Variants in NPTX2 observed in about 807,000 individuals in gnomAD.
NPTX2 encodes neuronal pentraxin-2.
Under a neutral mutation model 38.1 loss-of-function variants are expected in NPTX2, and 23 were observed. The observed-to-expected ratio is 0.60, with a 90% CI of 0.43 to 0.85. NPTX2 has a LOEUF of 0.85. Ranked by LOEUF, NPTX2 falls within the 40% of genes least tolerant of loss-of-function variation. The pLI, the probability that NPTX2 is intolerant of heterozygous loss-of-function variation, is 0.00. For synonymous variants in NPTX2, 291 were observed against 287.3 expected (o/e 1.01, Z -0.13); for missense variants, 553 against 615.3 (o/e 0.90, Z 1.07).
At position 98,617,513 on chromosome 7, in the gene NPTX2, C is replaced by G. The variant is rs1441754734; in HGVS notation, c.52C>G (p.Gln18Glu). Residue 18 changes from glutamine (Q) to glutamate (E), a missense_variant, in exon 1 of 5, where the codon CAG (glutamine) becomes GAG (glutamate). By Grantham distance (29) the Gln-to-Glu change is conservative. Coordinates refer to ENST00000265634, the MANE Select transcript of NPTX2 (RefSeq NM_002523.3). ...GGCGCTCGCCGTGGCCGCTGGGGCC[C>G]AGGACAGCCCGGCGCCCGGTAGCCG... ...SVALAVAAGA[Q>E]DSPAPGSRFV... The G allele has an allele frequency of 2.2e-5, 31 of 1,378,502 alleles. No homozygotes were observed. Among genetic ancestry groups the G allele is most frequent in the Middle Eastern group, 5.2e-4 (2 of 3,810 alleles). 85.4% of individuals were successfully genotyped at this position (1,378,502 alleles called of 1,614,324 possible).
intron 2 of NPTX2, among the ~76,000 whole-genome samples, chr7:98,624,467 G>T (rs1376468774): frequency 6.6e-6 from 1 of 152,068 alleles, no homozygotes; most frequent in Non-Finnish European, 1.5e-5. Context: ...TCTCTAACGT[G>T]CCCCATGCAG....
intron 1 of NPTX2, among the ~76,000 whole-genome samples, chr7:98,618,279 C>T (rs1791208635): frequency 6.6e-6 from 1 of 152,024 alleles, no homozygotes; most frequent in Non-Finnish European, 1.5e-5. Flanking sequence ...GGGATGCGCT[C>T]CCGCAGGCCG....
rs569259463 is a variant in NPTX2 at position 98,625,226 on chromosome 7, A to G, written c.888+60A>G. On this transcript the variant is annotated intron_variant, in intron 3 of 4. Transcript: ENST00000265634. ...CCCATCATGTGGTGGAGGGAGCCAC[A>G]GCCCCCACCCCAGCCGTCCTCGCCC... The G allele has an allele frequency of 6.5e-6, 10 of 1,534,642 alleles. No homozygotes were observed. The East Asian group carries it at 2.3e-4, about 35-fold the overall frequency.
intron 2 of NPTX2, among the ~76,000 whole-genome samples, chr7:98,624,474 G>T (rs1361390494): frequency 2.0e-5 from 3 of 152,124 alleles, no homozygotes; most frequent in African/African-American, 7.2e-5. Context: ...CGTGCCCCAT[G>T]CAGTGCCCAC....
intron 2 of NPTX2, among the ~76,000 whole-genome samples, chr7:98,623,148 C>T (rs1791295930): frequency 6.6e-6 from 1 of 152,146 alleles, no homozygotes; most frequent in Non-Finnish European, 1.5e-5. Context: ...CTGATGGCCT[C>T]GGAGACTGTC....
chr7:98,620,191 C>A, intron 2 of NPTX2: 1 of 350,054 alleles, frequency 2.9e-6, no homozygotes, highest in South Asian at 2.9e-5. Flanking sequence ...TAAGTTTCTC[C>A]CACAGGAGAC....
chr7:98,619,584 A>G, intron 1 of NPTX2, 59 bp from the exon 2 acceptor site: 1 of 1,453,002 alleles, frequency 6.9e-7, no homozygotes, highest in Non-Finnish European at 9.6e-7. Context: ...TCACAGCCAC[A>G]TTTCACAATT....
intron 1 of NPTX2, 79 bp downstream of exon 1, chr7:98,617,966 G>T: frequency 7.0e-7 from 1 of 1,438,334 alleles, no homozygotes; most frequent in Non-Finnish European, 9.3e-7. Context: ...GGAGGATGGG[G>T]AAAGGGGGCC....
chr7:98,617,681 A>G lies in NPTX2; in HGVS notation c.220A>G (p.Lys74Glu). Reference sequence around the variant, plus strand: ...GCTGCGCGAGACCGTCGTGCAGCAGAAGGAGACGCTGGGCGCGCAGCGCGA... The same window carrying G: ...GCTGCGCGAGACCGTCGTGCAGCAGGAGGAGACGCTGGGCGCGCAGCGCGA... The part of the protein sequence containing the change: ...LQLRETVVQQ[K>E]ETLGAQREAI... Residue 74 changes from lysine to glutamate, a missense_variant, in exon 1 of 5, where the codon AAG becomes GAG. Transcript: ENST00000265634. 1 of 1,467,830 alleles carries G rather than the reference A, an allele frequency of 6.8e-7. No individual in the cohort carries two copies. Among genetic ancestry groups the G allele is most frequent in the Non-Finnish European group, 8.9e-7 (1 of 1,119,566 alleles). 90.9% of individuals were successfully genotyped at this position (1,467,830 alleles called of 1,614,324 possible).
chr7:98,624,943 C>T lies in NPTX2; in HGVS notation c.665C>T (p.Pro222Leu). The T allele has an allele frequency of 6.2e-7, 1 of 1,613,120 alleles. No homozygotes were observed. Among genetic ancestry groups the T allele is most frequent in the Non-Finnish European group, 8.5e-7 (1 of 1,179,466 alleles). ...CCAGGCAATAGCGCCTTTAAGTCACCAGATGCGTTCAAGGTGTCCCTCCCA... is the reference window on the plus strand; with the variant it reads ...CCAGGCAATAGCGCCTTTAAGTCACTAGATGCGTTCAAGGTGTCCCTCCCA... The part of the protein sequence containing the change: ...LERGNSAFKS[P>L]DAFKVSLPLR... Residue 222 changes from proline to leucine, a missense_variant, in exon 3 of 5, where the codon CCA becomes CTA. Transcript: ENST00000265634.
chr7:98,626,512 G>A (rs1302240873), intron 3 of NPTX2, among the ~76,000 whole-genome samples: 2 of 152,226 alleles, frequency 1.3e-5, no homozygotes, highest in Non-Finnish European at 2.9e-5. Flanking sequence ...GTGGGGCTAA[G>A]AGCCTTGTTG....
chr7:98,623,070 G>A (rs1350990392), intron 2 of NPTX2, among the ~76,000 whole-genome samples: 1 of 152,164 alleles, frequency 6.6e-6, no homozygotes, highest in Non-Finnish European at 1.5e-5. Flanking sequence ...GGCTCATGTT[G>A]TGCAGTAGGG....
At chr7:98,626,198 C>T (rs1317168334) in intron 3 of NPTX2, among the ~76,000 whole-genome samples, 1 of 150,774 alleles carries the variant, frequency 6.6e-6, no homozygotes, top group Non-Finnish European at 1.5e-5. Context: ...GGGGACCTCT[C>T]ACAGCCCTGC....
At chr7:98,627,036 GCATGA>G (rs1791361513) in intron 3 of NPTX2, 124 bp from the exon 4 acceptor site, 2 of 586,856 alleles carry the variant, frequency 3.4e-6, no homozygotes, top group Admixed American at 6.1e-5. Context: ...TGTTCTCCAC[GCATGA>G]CCCCGGTGAC....
chr7:98,619,581 C>G (rs923824878), intron 1 of NPTX2, 62 bp from the exon 2 acceptor site: 17 of 1,421,920 alleles, frequency 1.2e-5, no homozygotes, highest in Non-Finnish European at 1.5e-5. Context: ...CCATCACAGC[C>G]ACATTTCACA....
At position 98,625,180 on chromosome 7, in the gene NPTX2, G is replaced by T; in HGVS notation, c.888+14G>T. The stretch of plus-strand genomic sequence containing the variant: ...ATCAACGACAAGGTGAGGCCCGCCT[G>T]CACCGCCACCCTCCCCAGAACCCAT... On this transcript the variant is annotated intron_variant, in intron 3 of 4. Coordinates refer to ENST00000265634, the MANE Select transcript of NPTX2 (RefSeq NM_002523.3). The T allele has an allele frequency of 6.4e-7, 1 of 1,571,002 alleles. No individual in the cohort carries two copies.
At chr7:98,625,214 G>A (rs1791329974) in intron 3 of NPTX2, 48 bp downstream of exon 3, 5 of 1,542,472 alleles carry the variant, frequency 3.2e-6, no homozygotes, top group South Asian at 2.4e-5. Context: ...ATCATGTGGT[G>A]GAGGGAGCCA....
chr7:98,619,692 G>A lies in NPTX2; in HGVS notation c.476G>A (p.Arg159His), dbSNP rs762662427. 17 of 1,613,318 alleles carry A rather than the reference G, an allele frequency of 1.1e-5. No homozygotes were observed. The highest frequency in any genetic ancestry group is 1.4e-5 in the Non-Finnish European group (17 of 1,180,040). ...VSNAGLPGDFREVLQQRLGEL... is the reference protein window; with the variant it reads ...VSNAGLPGDFHEVLQQRLGEL... ...AATGCTGGGCTGCCCGGCGACTTCC[G>A]CGAGGTGCTCCAGCAGCGGCTGGGG... The change falls in exon 2 of 5, where the codon CGC becomes CAC. Residue 159 changes from arginine to histidine, a missense_variant. Physicochemically the swap from Arg to His is conservative, Grantham distance 29. Transcript: ENST00000265634.
intron 2 of NPTX2, among the ~76,000 whole-genome samples, chr7:98,624,248 C>T (rs1039673935): frequency 6.6e-6 from 1 of 152,198 alleles, no homozygotes; most frequent in Non-Finnish European, 1.5e-5. Context: ...TGAGCCACTG[C>T]ACTTGGCTAA....
Sources: gnomAD v4.1 joint callset for allele counts (sites outside exome capture counted in the v4.1 genomes callset) on GRCh38, gnomAD v4.1.1 for gene constraint, MANE v1.5 for transcripts, NCBI Gene and HGNC (gene_info 2026-07-23, HGNC 2026-07-21) for gene names.